Variants in PRKD1 observed in about 807,000 individuals in gnomAD.
PRKD1 encodes the protein protein kinase D1, also known as serine/threonine-protein kinase D1.
A neutral mutation model predicts 95.9 loss-of-function variants in PRKD1; 63 were observed. The ratio of observed to expected loss-of-function variants is 0.66; its 90% CI spans 0.54 to 0.81. The LOEUF is 0.81. PRKD1 is among the 30% of genes least tolerant of loss of function. The pLI, the probability that PRKD1 is intolerant of heterozygous loss-of-function variation, is 0.00. For missense variants in PRKD1, 1,048 were observed against 1,165.3 expected (o/e 0.90, Z 1.47); for synonymous variants, 425 against 423.1 (o/e 1.00, Z -0.05).
At chr14:29,653,824 A>G (rs974674873) in intron 4 of PRKD1, among the ~76,000 whole-genome samples, 1 of 152,208 alleles carries the variant, frequency 6.6e-6, no homozygotes, top group Non-Finnish European at 1.5e-5. Context: ...AAGCAACTCA[A>G]TGGAAAAAGA....
chr14:29,673,328 C>T (rs555808372), intron 2 of PRKD1, among the ~76,000 whole-genome samples: 1 of 152,294 alleles, frequency 6.6e-6, no homozygotes, highest in African/African-American at 2.4e-5. Flanking sequence ...ATACTCTCCT[C>T]AACATACTTT....
chr14:29,648,944 A>G (rs554797042), intron 4 of PRKD1, among the ~76,000 whole-genome samples: 48 of 151,888 alleles, frequency 3.2e-4, no homozygotes, highest in African/African-American at 8.2e-4. Context: ...GTGAGCCACC[A>G]TGCCCGGCCT....
chr14:29,759,623 T>A (rs1054916903), intron 1 of PRKD1, among the ~76,000 whole-genome samples: 3 of 152,212 alleles, frequency 2.0e-5, no homozygotes, highest in Non-Finnish European at 2.9e-5. Context: ...TGAGTGTCAT[T>A]TGAGCACAAT....
chr14:29,695,752 T>G (rs1268547791), intron 2 of PRKD1, among the ~76,000 whole-genome samples: 1 of 152,156 alleles, frequency 6.6e-6, no homozygotes, highest in Non-Finnish European at 1.5e-5. Context: ...TGGAAAGAGT[T>G]TTGAGTTCAT....
At chr14:29,725,194 A>G (rs1332457749) in intron 2 of PRKD1, among the ~76,000 whole-genome samples, 2 of 152,182 alleles carry the variant, frequency 1.3e-5, no homozygotes, top group African/African-American at 4.8e-5. Flanking sequence ...CAGCCCTGAC[A>G]GCTAATTTAG....
intron 1 of PRKD1, among the ~76,000 whole-genome samples, chr14:29,926,355 C>A (rs45556240): frequency 0.064 from 9,759 of 152,170 alleles, 350 homozygotes; most frequent in East Asian, 0.15. Flanking sequence ...GCGCCATGGC[C>A]CCCTCTGCCT....
In PRKD1 at chr14:29,925,598, T is replaced by A. The variant is rs188515966; in HGVS notation, c.264+1651A>T. Among the ~76,000 whole-genome samples the A allele has an allele frequency of 6.6e-5, 10 of 152,164 alleles. No homozygotes were observed. The East Asian group carries it at 9.7e-4, about 15-fold the overall frequency. On this transcript the variant is annotated intron_variant, in intron 1 of 17. Transcript: ENST00000331968. ...ATTTAAAATCCCACTACCAAACCTC[T>A]TGAACTAGGCATCAGTCTCCCCATT... is the stretch of plus-strand genomic sequence containing the variant.
At chr14:29,598,627 C>A (rs1439719831) in intron 15 of PRKD1, among the ~76,000 whole-genome samples, 1 of 152,188 alleles carries the variant, frequency 6.6e-6, no homozygotes, top group African/African-American at 2.4e-5. Context: ...TCACTTCAGA[C>A]CTATAATTCC....
At position 29,860,076 on chromosome 14, in the gene PRKD1, A is replaced by T. The variant is rs76149382; in HGVS notation, c.264+67173T>A. On this transcript the variant is annotated intron_variant, in intron 1 of 17. Coordinates refer to ENST00000331968, the MANE Select transcript of PRKD1 (RefSeq NM_002742.3). ...TAGAGACTTAAGGGCAAAAGGTTGC[A>T]AGGCTTAAGTAGTAGTTTTGAAAAA... 7.9e-5 allele frequency among the ~76,000 whole-genome samples: 12 copies of T among 152,258 alleles called. No homozygotes were observed. The East Asian group carries it at 1.7e-3, about 22-fold the overall frequency.
intron 4 of PRKD1, among the ~76,000 whole-genome samples, chr14:29,649,929 T>C (rs1457329829): frequency 2.0e-5 from 3 of 152,202 alleles, no homozygotes; most frequent in Admixed American, 6.5e-5. Flanking sequence ...CAGCCTCTAC[T>C]AAGAGACCTG....
intron 1 of PRKD1, among the ~76,000 whole-genome samples, chr14:29,864,504 TG>T (rs1461577306): frequency 1.3e-5 from 2 of 152,096 alleles, no homozygotes; most frequent in African/African-American, 4.8e-5. Flanking sequence ...ATCTCAAAAG[TG>T]GCAGTATGAT....
chr14:29,631,023 T>C lies in PRKD1; in HGVS notation c.1393-2A>G, dbSNP rs149778265. ...CAAAATTTCAGATAAAGGAATTTCCTGTGAAAGAAAAAAAGTACTAAATGT... is the reference window on the plus strand; with the variant it reads ...CAAAATTTCAGATAAAGGAATTTCCCGTGAAAGAAAAAAAGTACTAAATGT... On this transcript the variant is annotated splice_acceptor_variant, in intron 9 of 17. Transcript: ENST00000331968. LOFTEE classifies it high-confidence loss of function. The C allele has an allele frequency of 6.3e-7, 1 of 1,593,826 alleles. No homozygotes were observed. Among genetic ancestry groups the C allele is most frequent in the Non-Finnish European group, 8.6e-7 (1 of 1,169,474 alleles).
At position 29,578,678 on chromosome 14, in the gene PRKD1, T is replaced by C. The variant is rs886622337; in HGVS notation, c.2435-318A>G. On this transcript the variant is annotated intron_variant, in intron 16 of 17. Transcript: ENST00000331968. ...TTCTTTAATTTAGAAATTTTGTTTATATGTACATCATTTAAATATGTCTTA... is the reference window on the plus strand; with the variant it reads ...TTCTTTAATTTAGAAATTTTGTTTACATGTACATCATTTAAATATGTCTTA... Among the ~76,000 whole-genome samples, 21 of 152,060 alleles carry C rather than the reference T, an allele frequency of 1.4e-4. 1 individual carries two copies. The highest frequency in any genetic ancestry group is 5.1e-4 in the African/African-American group (21 of 41,416).
At chr14:29,922,300 CAAA>C (rs749652649) in intron 1 of PRKD1, among the ~76,000 whole-genome samples, 3 of 73,798 alleles carry the variant, frequency 4.1e-5, no homozygotes, top group African/African-American at 9.0e-5. Context: ...GACTCCATCT[CAAA>C]AAAAAAAAAA....
intron 1 of PRKD1, among the ~76,000 whole-genome samples, chr14:29,913,271 T>C (rs1265282646): frequency 6.6e-6 from 1 of 152,228 alleles, no homozygotes; most frequent in African/African-American, 2.4e-5. Context: ...AATGTAAGTT[T>C]TACCTTTCTC....
intron 2 of PRKD1, among the ~76,000 whole-genome samples, chr14:29,684,222 C>T (rs1883718669): frequency 6.6e-6 from 1 of 150,528 alleles, no homozygotes; most frequent in Non-Finnish European, 1.5e-5. Flanking sequence ...ACCATCTCGG[C>T]TCACTGCAAC....
At chr14:29,870,852 G>T (rs1893080472) in intron 1 of PRKD1, among the ~76,000 whole-genome samples, 1 of 152,016 alleles carries the variant, frequency 6.6e-6, no homozygotes, top group Admixed American at 6.6e-5. Flanking sequence ...ACAGACTTTA[G>T]CTCTATTACA....
chr14:29,599,791 A>G lies in PRKD1; in HGVS notation c.1932T>C (p.Asn644=), dbSNP rs1373357751. The change falls in exon 14 of 18, where the codon AAT becomes AAC. Residue 644 remains asparagine, a synonymous_variant. Coordinates refer to ENST00000331968, the MANE Select transcript of PRKD1 (RefSeq NM_002742.3). The part of the protein sequence containing the change: ...LQNLHHPGVV[N]LECMFETPER... Reference sequence around the variant, plus strand: ...CAGGCGTCTCAAACATACACTCCAAATTTACAACACCAGGGTGATGAAGGT... The same window carrying G: ...CAGGCGTCTCAAACATACACTCCAAGTTTACAACACCAGGGTGATGAAGGT... 3 of 1,612,658 alleles carry G rather than the reference A, an allele frequency of 1.9e-6. No homozygotes were observed. The African/African-American group carries it at 4.0e-5, about 22-fold the overall frequency.
chr14:29,665,786 T>C (rs372979448), intron 3 of PRKD1, among the ~76,000 whole-genome samples: 2 of 152,022 alleles, frequency 1.3e-5, no homozygotes, highest in African/African-American at 4.8e-5. Flanking sequence ...TCTATGTACA[T>C]AGGTGTATAT....
Sources: allele counts gnomAD v4.1 joint callset (sites outside exome capture counted in the v4.1 genomes callset), GRCh38; gene constraint gnomAD v4.1.1; transcripts MANE v1.5; gene names NCBI Gene and HGNC (gene_info 2026-07-23, HGNC 2026-07-21).